The following PCDHGA10 variants were observed in gnomAD, a reference collection of about 807,000 sequenced individuals.
The protein encoded by PCDHGA10 is protocadherin gamma subfamily A, 10.
Under a neutral mutation model 59.5 loss-of-function variants are expected in PCDHGA10, and 42 were observed. The ratio of observed to expected loss-of-function variants is 0.71; its 90% CI spans 0.55 to 0.91. The LOEUF is 0.91. Among genes scored for constraint, PCDHGA10 ranks in the 40% least tolerant of loss-of-function variants. The probability of loss-of-function intolerance (pLI) is 0.00; values close to 1 mark genes in which losing one functional copy is unlikely to be tolerated. For missense variants in PCDHGA10, 1,111 were observed against 1,198.2 expected (o/e 0.93, Z 1.07); for synonymous variants, 511 against 517.2 (o/e 0.99, Z 0.16).
At chr5:141,462,698 G>A (rs2099045237) in intron 1 of PCDHGA10, among the ~76,000 whole-genome samples, 1 of 152,062 alleles carries the variant, frequency 6.6e-6, no homozygotes. Context: ...ATTTATAATG[G>A]AGGTTTTAAA....
Position 141,477,782 on chromosome 5 carries a change from T to G in PCDHGA10, c.2437-17025T>G, listed in dbSNP as rs763675478. 1.2e-5 allele frequency: 20 copies of G among 1,613,902 alleles called. No individual in the cohort carries two copies. Among genetic ancestry groups the G allele is most frequent in the Non-Finnish European group, 1.7e-5 (20 of 1,180,042 alleles). ...AGCCACCAACATCAGCGTGAACATA[T>G]TTGTCACTGATCGCAATGACAATGC... On this transcript the variant is annotated intron_variant, in intron 1 of 3. Coordinates refer to ENST00000398610, the MANE Select transcript of PCDHGA10 (RefSeq NM_018913.3). The surrounding 1 kb of genome is among the most constrained non-coding windows in gnomAD (Gnocchi z 4.9).
At chr5:141,478,163 C>T (rs779617960) in intron 1 of PCDHGA10, 1 of 1,614,028 alleles carries the variant, frequency 6.2e-7, no homozygotes, top group Non-Finnish European at 8.5e-7. Context: ...TGGCTCTGCC[C>T]CCCGGGAGCA....
rs946798767 is a variant in PCDHGA10, at chr5:141,438,591, CATATATATAT to C, written c.2436+23016_2436+23025del. On this transcript the variant is annotated intron_variant, in intron 1 of 3. Transcript: ENST00000398610. The stretch of plus-strand genomic sequence containing the variant: ...TCTGATATACATACATACATACATA[CATATATATAT>C]ATATATATATATATATATATATATA... Among the ~76,000 whole-genome samples, 12 of 75,572 alleles carry C rather than the reference CATATATATAT, an allele frequency of 1.6e-4. No individual in the cohort carries two copies. The East Asian group carries it at 1.7e-3, about 11-fold the overall frequency. The allele number at this position is 75,572 out of a possible 152,430, so 49.6% of individuals were successfully genotyped here.
rs141397385 is a variant in PCDHGA10 at position 141,476,135 on chromosome 5, A to C, written c.2437-18672A>C. 8.4e-4 allele frequency: 1,352 copies of C among 1,608,526 alleles called. 1 individual carries two copies. Among genetic ancestry groups the C allele is most frequent in the Non-Finnish European group, 1.1e-3 (1,319 of 1,178,332 alleles). On this transcript the variant is annotated intron_variant, in intron 1 of 3. Transcript: ENST00000398610. This position sits in a 1 kb window ranked among gnomAD's most constrained non-coding sequence, Gnocchi z 7.6. ...GAGTGAGATGGTCCCAGAGGCCTGG[A>C]GGAGCGGACTGGTAAGCACCGGGAG...
rs1561745511 is a variant in PCDHGA10 at position 141,413,844 on chromosome 5, C to T, written c.669C>T (p.Asp223=). The stretch of plus-strand genomic sequence containing the variant: ...TCCTCACCGCCTCCGACGGGGGTGA[C>T]CCTCTCCGATCTGGCACTGTCCTTG... The part of the protein sequence containing the change: ...HLVLTASDGG[D]PLRSGTVLVS... The change falls in exon 1 of 4, where the codon GAC becomes GAT. Residue 223 remains aspartate, a synonymous_variant. Transcript: ENST00000398610. The T allele has an allele frequency of 5.6e-6, 9 of 1,613,254 alleles. No homozygotes were observed. The East Asian group carries it at 6.7e-5, about 12-fold the overall frequency.
chr5:141,428,025 G>C, intron 1 of PCDHGA10: 1 of 1,606,426 alleles, frequency 6.2e-7, no homozygotes, highest in Non-Finnish European at 8.5e-7. Flanking sequence ...ACGCGCCGCA[G>C]AGTCCGGCTA....
intron 1 of PCDHGA10, chr5:141,441,746 C>A: frequency 5.4e-6 from 2 of 371,314 alleles, no homozygotes; most frequent in East Asian, 9.8e-5. Flanking sequence ...TCGCGCTCGG[C>A]GTCAACGTGA....
In PCDHGA10 at chr5:141,413,417, T is replaced by A. The variant is rs777399697; in HGVS notation, c.242T>A (p.Leu81Gln). ...VSRGRTQLFS[L>Q]NPRSGSLITA... ...AGAGGTAGGACGCAGCTTTTCTCTC[T>A]GAACCCGCGCAGCGGCAGCTTGATC... The change falls in exon 1 of 4, where the codon CTG becomes CAG. Residue 81 changes from leucine to glutamine, a missense_variant. By Grantham distance (113) the Leu-to-Gln change is moderately radical. Coordinates refer to ENST00000398610, the MANE Select transcript of PCDHGA10 (RefSeq NM_018913.3). 6.2e-7 allele frequency: 1 copy of A among 1,614,086 alleles called. No homozygotes were observed. Among genetic ancestry groups the A allele is most frequent in the Non-Finnish European group, 8.5e-7 (1 of 1,179,956 alleles).
chr5:141,489,944 T>A lies in PCDHGA10; in HGVS notation c.2437-4863T>A. On this transcript the variant is annotated intron_variant, in intron 1 of 3. Coordinates refer to ENST00000398610, the MANE Select transcript of PCDHGA10 (RefSeq NM_018913.3). The surrounding 1 kb of genome is among the most constrained non-coding windows in gnomAD (Gnocchi z 4.5). ...CTTATCTCTGTCATCGTGCTGGACA[T>A]CAATGATAATGCTCCAACCTTCCAA... 1 of 1,614,172 alleles carries A rather than the reference T, an allele frequency of 6.2e-7. No individual in the cohort carries two copies. The highest frequency in any genetic ancestry group is 8.5e-7 in the Non-Finnish European group (1 of 1,180,010).
chr5:141,487,921 A>G lies in PCDHGA10; in HGVS notation c.2437-6886A>G, dbSNP rs17097340. On this transcript the variant is annotated intron_variant, in intron 1 of 3. Coordinates refer to ENST00000398610, the MANE Select transcript of PCDHGA10 (RefSeq NM_018913.3). This position sits in a 1 kb window ranked among gnomAD's most constrained non-coding sequence, Gnocchi z 5.0. ...GGAATGTGGGAGCACAGGAGGCTAC[A>G]GTGCACAGGGTACAGTGCACCAGGC... 0.15 allele frequency: 93,556 copies of G among 639,124 alleles called. 7,160 individuals carry two copies. The highest frequency in any genetic ancestry group is 0.21 in the African/African-American group (11,270 of 54,532). 39.6% of individuals were successfully genotyped at this position (639,124 alleles called of 1,614,324 possible).
intron 1 of PCDHGA10, among the ~76,000 whole-genome samples, chr5:141,448,001 G>A (rs143950707): frequency 0.046 from 7,030 of 151,928 alleles, 245 homozygotes; most frequent in African/African-American, 0.093. Context: ...CATGAGAATC[G>A]CTTGAACCCA....
At chr5:141,445,257 A>G (rs1253126709) in intron 1 of PCDHGA10, among the ~76,000 whole-genome samples, 3 of 152,152 alleles carry the variant, frequency 2.0e-5, no homozygotes, top group African/African-American at 2.4e-5. Context: ...GTGTGAGAAT[A>G]TAAGTCGAAA....
rs140933475 is a variant in PCDHGA10 at position 141,477,405 on chromosome 5, G to A, written c.2437-17402G>A. The A allele has an allele frequency of 3.8e-4, 608 of 1,614,076 alleles. No individual in the cohort carries two copies. The highest frequency in any genetic ancestry group is 4.6e-4 in the Non-Finnish European group (540 of 1,180,022). On this transcript the variant is annotated intron_variant, in intron 1 of 3. Transcript: ENST00000398610. This position sits in a 1 kb window ranked among gnomAD's most constrained non-coding sequence, Gnocchi z 4.9. ...GAATACAACCTCAGCATCACCGCCC[G>A]AGACGCCGGAACCCCTTCCCTCTCA...
intron 1 of PCDHGA10, among the ~76,000 whole-genome samples, chr5:141,446,323 A>G (rs1372501599): frequency 6.6e-6 from 1 of 152,216 alleles, no homozygotes. Flanking sequence ...GGGTTTCCAC[A>G]TTAAGGAACT....
chr5:141,427,726 T>G (rs2097061742), intron 1 of PCDHGA10: 1 of 1,155,034 alleles, frequency 8.7e-7, no homozygotes, highest in Non-Finnish European at 1.3e-6. Context: ...GACCTAGGGC[T>G]GAATGGCCAA....
chr5:141,466,809 CA>C (rs1454424644), intron 1 of PCDHGA10, among the ~76,000 whole-genome samples: 1 of 152,102 alleles, frequency 6.6e-6, no homozygotes, highest in Non-Finnish European at 1.5e-5. Flanking sequence ...CCTATTCAGA[CA>C]TGGTATAACA....
At chr5:141,426,898 C>T (rs1246109323) in intron 1 of PCDHGA10, 1 of 456,634 alleles carries the variant, frequency 2.2e-6, no homozygotes, top group African/African-American at 2.0e-5. Flanking sequence ...CAACAGAGCT[C>T]TCATCTCCTG....
chr5:141,436,120 TC>T (rs2154556955), intron 1 of PCDHGA10, among the ~76,000 whole-genome samples: 1 of 152,344 alleles, frequency 6.6e-6, no homozygotes, highest in South Asian at 2.1e-4. Context: ...GAAACCTCTC[TC>T]CTCCATCATC....
At position 141,486,001 on chromosome 5, in the gene PCDHGA10, C is replaced by G. The variant is rs771993915; in HGVS notation, c.2437-8806C>G. 6.2e-7 allele frequency: 1 copy of G among 1,614,194 alleles called. No homozygotes were observed. Among genetic ancestry groups the G allele is most frequent in the Non-Finnish European group, 8.5e-7 (1 of 1,180,024 alleles). On this transcript the variant is annotated intron_variant, in intron 1 of 3. Transcript: ENST00000398610. The surrounding 1 kb of genome is among the most constrained non-coding windows in gnomAD (Gnocchi z 5.0). ...ACCCGGACCTGGGTCCCAGTGGTAACGTCACCTTTTATTTCAGTGGTCATA... is the reference window on the plus strand; with the variant it reads ...ACCCGGACCTGGGTCCCAGTGGTAAGGTCACCTTTTATTTCAGTGGTCATA...
Sources: gnomAD v4.1 joint callset for allele counts (sites outside exome capture counted in the v4.1 genomes callset) on GRCh38, gnomAD v4.1.1 for gene constraint, Gnocchi (gnomAD v3.1) non-coding constraint, MANE v1.5 for transcripts, NCBI Gene and HGNC (gene_info 2026-07-23, HGNC 2026-07-21) for gene names.